Variants in TTC39A observed in about 807,000 individuals in gnomAD.
TTC39A encodes the protein tetratricopeptide repeat domain 39A.
Under a neutral mutation model 82.3 loss-of-function variants are expected in TTC39A, and 46 were observed. The observed-to-expected ratio is 0.56, with a 90% CI of 0.44 to 0.71. TTC39A has a LOEUF of 0.71. Among genes scored for constraint, TTC39A ranks in the 30% least tolerant of loss-of-function variants. TTC39A has a pLI of 0.00. For synonymous variants in TTC39A, 254 were observed against 275.2 expected (o/e 0.92, Z 0.76); for missense variants, 543 against 712.9 (o/e 0.76, Z 2.71).
At chr1:51,308,780 CGT>C (rs201130504) in intron 6 of TTC39A, among the ~76,000 whole-genome samples, 1 of 151,758 alleles carries the variant, frequency 6.6e-6, no homozygotes, top group African/African-American at 2.4e-5. Context: ...CGTGCATGCA[CGT>C]GTGTGTGTAT....
At chr1:51,296,202 G>C in intron 12 of TTC39A, 32 bp from the exon 13 acceptor site, 2 of 1,560,990 alleles carry the variant, frequency 1.3e-6, no homozygotes, top group African/African-American at 1.4e-5. Flanking sequence ...CCAGGTGTGA[G>C]CAGCCCTCCT....
In TTC39A at chr1:51,294,483, C is replaced by A. The variant is rs549820695; in HGVS notation, c.1174G>T (p.Ala392Ser). 1 of 1,613,992 alleles carries A rather than the reference C, an allele frequency of 6.2e-7. No individual in the cohort carries two copies. The highest frequency in any genetic ancestry group is 2.2e-5 in the East Asian group (1 of 44,888). ...RAVPGLKLKI[A>S]GKSLPTEKFA... ...TTCTCTGTGGGTAGAGATTTCCCAGCAATCTTGAGCTTCAGGCCTGGCACA... is the reference window on the plus strand; with the variant it reads ...TTCTCTGTGGGTAGAGATTTCCCAGAAATCTTGAGCTTCAGGCCTGGCACA... Residue 392 changes from alanine (A) to serine (S), a missense_variant, in exon 14 of 18, where the codon GCT becomes TCT. By Grantham distance (99) the Ala-to-Ser change is moderately conservative (BLOSUM62 1). Transcript: ENST00000680483. The surrounding 1 kb of genome is among the most constrained non-coding windows in gnomAD (Gnocchi z 4.3).
upstream of TTC39A, chr1:51,330,647 C>T (rs1645883073): frequency 1.0e-5 from 10 of 982,032 alleles, no homozygotes; most frequent in South Asian, 3.7e-4. This position sits in a 1 kb window ranked among gnomAD's most constrained non-coding sequence, Gnocchi z 4.5. Context: ...TCTCCCCACC[C>T]GCACCGTAGG....
intron 1 of TTC39A, among the ~76,000 whole-genome samples, chr1:51,341,688 TG>T (rs1188303008): frequency 6.6e-6 from 1 of 152,040 alleles, no homozygotes; most frequent in Non-Finnish European, 1.5e-5. Flanking sequence ...AGTAAAGTCC[TG>T]GGATTAAAAG....
intron 2 of TTC39A, 132 bp from the exon 3 acceptor site, chr1:51,313,075 G>T: frequency 7.9e-7 from 1 of 1,270,918 alleles, no homozygotes; most frequent in Non-Finnish European, 1.1e-6. Context: ...CACGGGGAGG[G>T]CCTTGGCCAG....
intron 8 of TTC39A, 126 bp downstream of exon 8, chr1:51,304,955 C>T (rs765845266): frequency 1.0e-6 from 1 of 962,942 alleles, no homozygotes; most frequent in Non-Finnish European, 1.6e-6. Flanking sequence ...TGTCCAGGGC[C>T]ATACAATGAG....
At chr1:51,302,240 G>GCCC (rs375305601) in intron 11 of TTC39A, 117 bp downstream of exon 11, 103 of 624,432 alleles carry the variant, frequency 1.6e-4, no homozygotes, top group African/African-American at 1.6e-3. Flanking sequence ...TTCTCTCTTG[G>GCCC]CCCCCCCCCC....
intron 1 of TTC39A, among the ~76,000 whole-genome samples, chr1:51,324,726 G>A (rs1411950245): frequency 1.3e-5 from 2 of 151,808 alleles, no homozygotes; most frequent in African/African-American, 4.8e-5. Context: ...GTTTCACCAT[G>A]TTGGCTAGGC....
At chr1:51,293,762 G>A (rs753359925) in intron 14 of TTC39A, among the ~76,000 whole-genome samples, 1 of 152,206 alleles carries the variant, frequency 6.6e-6, no homozygotes, top group Non-Finnish European at 1.5e-5. Context: ...TATGGGCTGT[G>A]GGCCCAGACT....
intron 1 of TTC39A, among the ~76,000 whole-genome samples, chr1:51,344,656 C>T (rs1646075219): frequency 6.6e-6 from 1 of 152,226 alleles, no homozygotes; most frequent in Admixed American, 6.5e-5. Context: ...GAGGGTTGAG[C>T]GCAGACGCCG....
chr1:51,320,028 GA>G, intron 2 of TTC39A, among the ~76,000 whole-genome samples: 1 of 152,208 alleles, frequency 6.6e-6, no homozygotes, highest in South Asian at 2.1e-4. Context: ...CCTGGCAAAT[GA>G]GGGGGACACA....
At chr1:51,308,239 C>T (rs1644945312) in intron 6 of TTC39A, among the ~76,000 whole-genome samples, 1 of 150,726 alleles carries the variant, frequency 6.6e-6, no homozygotes, top group South Asian at 2.1e-4. Context: ...CTTGCCGCCA[C>T]CCCCCCTTTT....
At chr1:51,314,932 CCCTCCGTGT>C (rs1261368278) in intron 2 of TTC39A, among the ~76,000 whole-genome samples, 2 of 152,218 alleles carry the variant, frequency 1.3e-5, no homozygotes, top group African/African-American at 4.8e-5. Flanking sequence ...AAATATGAGT[CCCTCCGTGT>C]CCTGCGTCAC....
At chr1:51,342,011 G>A (rs1045782947) in intron 1 of TTC39A, among the ~76,000 whole-genome samples, 1 of 152,174 alleles carries the variant, frequency 6.6e-6, no homozygotes, top group African/African-American at 2.4e-5. Flanking sequence ...TCTTGAGGAG[G>A]CCCCTCCCTC....
intron 15 of TTC39A, 115 bp from the exon 16 acceptor site, chr1:51,290,234 C>T: frequency 1.1e-6 from 1 of 940,904 alleles, no homozygotes; most frequent in Non-Finnish European, 1.6e-6. Context: ...AGACACAGTC[C>T]CTGTCCTCAG....
intron 1 of TTC39A, among the ~76,000 whole-genome samples, chr1:51,337,215 C>A (rs1434180432): frequency 1.3e-5 from 2 of 152,072 alleles, no homozygotes; most frequent in African/African-American, 2.4e-5. Flanking sequence ...CTCCCGACAT[C>A]ATTTCCCTTT....
rs1484951148 is a variant in TTC39A at position 51,303,488 on chromosome 1, G to A, written c.655-296C>T. Among the ~76,000 whole-genome samples, 3 of 152,202 alleles carry A rather than the reference G, an allele frequency of 2.0e-5. No homozygotes were observed. The East Asian group carries it at 5.8e-4, about 29-fold the overall frequency. ...CTGTAGTCACGGGCTTGGCCGCCCT[G>A]CGATGGGTATTGAGGGCCCAAGGTC... is the stretch of plus-strand genomic sequence containing the variant. On this transcript the variant is annotated intron_variant, in intron 8 of 17. Transcript: ENST00000680483.
Position 51,288,065 on chromosome 1 carries a change from C to T in TTC39A, c.*92G>A. 1 of 1,519,440 alleles carries T rather than the reference C, an allele frequency of 6.6e-7. No homozygotes were observed. The highest frequency in any genetic ancestry group is 8.9e-7 in the Non-Finnish European group (1 of 1,126,240). 94.1% of individuals were successfully genotyped at this position (1,519,440 alleles called of 1,614,324 possible). A position where few individuals can be genotyped will look rare whatever the true frequency, so the allele number is the denominator to read the frequency against. On this transcript the variant is annotated 3_prime_UTR_variant, in exon 18 of 18. Coordinates refer to ENST00000680483, the MANE Select transcript of TTC39A (RefSeq NM_001297663.2). The surrounding 1 kb of genome is among the most constrained non-coding windows in gnomAD (Gnocchi z 4.8). ...CTGGAGTGCCGGTGGACCCCAAAGG[C>T]AGGGCAGGGCAGGGGGAGGGGGTAT...
At chr1:51,343,053 C>T (rs1646056844) in intron 1 of TTC39A, 2 of 456,284 alleles carry the variant, frequency 4.4e-6, no homozygotes, top group Admixed American at 2.3e-5. Context: ...CGATGCACAA[C>T]TGGATTCTCC....
Sources: allele counts gnomAD v4.1 joint callset (sites outside exome capture counted in the v4.1 genomes callset), GRCh38; gene constraint gnomAD v4.1.1; non-coding constraint Gnocchi (gnomAD v3.1); transcripts MANE v1.5; gene names NCBI Gene and HGNC (gene_info 2026-07-23, HGNC 2026-07-21).